UQCC1: variants seen among roughly 807,000 people sequenced by gnomAD.
UQCC1 encodes bFGF-repressed Zic-binding protein.
In UQCC1, 38 loss-of-function variants were observed where a neutral mutation model predicts 48.0. That is an observed-to-expected ratio of 0.79 (90% CI 0.61 to 1.04). The LOEUF is 1.04. Among genes scored for constraint, UQCC1 ranks in the 50% least tolerant of loss-of-function variants. UQCC1 has a pLI of 0.00. For missense variants in UQCC1, 368 were observed against 381.8 expected, an observed-to-expected ratio of 0.96 and a Z score of 0.30; for synonymous variants, 111 against 129.2, an observed-to-expected ratio of 0.86 and a Z score of 0.95.
chr20:35,362,262 G>A lies in UQCC1; in HGVS notation c.464+4295C>T, dbSNP rs186255189. Among the ~76,000 whole-genome samples, 4 of 152,350 alleles carry A rather than the reference G, an allele frequency of 2.6e-5. No homozygotes were observed. The East Asian group carries it at 7.7e-4, about 29-fold the overall frequency. On this transcript the variant is annotated intron_variant, in intron 6 of 9. Transcript: ENST00000374385. ...GCTTTTTCTTGCAGAGAAGGGAGTA[G>A]TGATGGTAATAGTGCCTAAAATAGC...
intron 5 of UQCC1, among the ~76,000 whole-genome samples, chr20:35,372,734 T>C (rs2061748880): frequency 6.6e-6 from 1 of 152,098 alleles, no homozygotes; most frequent in South Asian, 2.1e-4. Context: ...CTGGGCATGG[T>C]GGCGTGCACC....
In UQCC1 at chr20:35,395,507, T is replaced by TA. The variant is rs150565693; in HGVS notation, c.25-1312dup. On this transcript the variant is annotated intron_variant, in intron 1 of 9. Transcript: ENST00000374385. ...ATGGTTGAAAGGGGCTTATTATAAA[T>TA]AAATAAAAAAAAAACCATTCCTCTC... Among the ~76,000 whole-genome samples the TA allele has an allele frequency of 9.3e-3, 1,324 of 142,824 alleles. 15 individuals are homozygous for TA. Among genetic ancestry groups the TA allele is most frequent in the East Asian group, 0.028 (137 of 4,878 alleles). The allele number at this position is 142,824 out of a possible 152,430, so 93.7% of individuals were successfully genotyped here.
At chr20:35,350,199 C>T (rs1005165987) in intron 6 of UQCC1, among the ~76,000 whole-genome samples, 1 of 152,106 alleles carries the variant, frequency 6.6e-6, no homozygotes, top group African/African-American at 2.4e-5. Context: ...ACAATCATAG[C>T]CCACTGTAAC....
intron 4 of UQCC1, among the ~76,000 whole-genome samples, chr20:35,379,186 T>C (rs1366158111): frequency 6.6e-6 from 1 of 152,176 alleles, no homozygotes; most frequent in Non-Finnish European, 1.5e-5. Context: ...GATACTCAAA[T>C]AGGTAAGGGA....
At chr20:35,400,050 C>T (rs974480861) in intron 1 of UQCC1, among the ~76,000 whole-genome samples, 23 of 151,386 alleles carry the variant, frequency 1.5e-4, no homozygotes, top group Non-Finnish European at 2.8e-4. Context: ...CTCAGCCTGC[C>T]GAGTAGCTGG....
At chr20:35,333,225 T>C (rs2061277227) in intron 7 of UQCC1, among the ~76,000 whole-genome samples, 3 of 152,168 alleles carry the variant, frequency 2.0e-5, no homozygotes, top group South Asian at 4.1e-4. Context: ...TTCTCCTCAG[T>C]TGTAATATGG....
At chr20:35,315,037 C>T in intron 7 of UQCC1, 1 of 246,108 alleles carries the variant, frequency 4.1e-6, no homozygotes, top group Non-Finnish European at 8.1e-6. Flanking sequence ...TCCTATGAAC[C>T]AAGTATAAGA....
intron 5 of UQCC1, among the ~76,000 whole-genome samples, 159 bp from the exon 6 acceptor site, chr20:35,366,773 C>T (rs184992500): frequency 1.5e-3 from 223 of 152,122 alleles, no homozygotes; most frequent in Middle Eastern, 6.8e-3. Context: ...GATAAAAGAA[C>T]TTTGAATCAT....
At chr20:35,362,405 C>T (rs760654174) in intron 6 of UQCC1, among the ~76,000 whole-genome samples, 24 of 152,070 alleles carry the variant, frequency 1.6e-4, no homozygotes, top group Middle Eastern at 3.2e-3. Context: ...TCGTCTAGGC[C>T]GGAGTGCGTG....
chr20:35,317,198 A>G (rs2061071069), intron 7 of UQCC1, among the ~76,000 whole-genome samples: 1 of 152,016 alleles, frequency 6.6e-6, no homozygotes, highest in South Asian at 2.1e-4. Context: ...TCGACCTCCT[A>G]AAGTGCTGGG....
chr20:35,343,175 G>C lies in UQCC1; in HGVS notation c.573+3989C>G, dbSNP rs1455065350. On this transcript the variant is annotated intron_variant, in intron 7 of 9. Transcript: ENST00000374385. The stretch of plus-strand genomic sequence containing the variant: ...TCTACATTTTATATGTTTTCTTACA[G>C]AGGTACACCTGGGATGCCAAATAAC... Among the ~76,000 whole-genome samples, 3 of 152,080 alleles carry C rather than the reference G, an allele frequency of 2.0e-5. No individual in the cohort carries two copies. In the East Asian group the frequency reaches 5.8e-4, roughly 29 times the overall value.
chr20:35,353,468 T>C (rs1049223457), intron 6 of UQCC1, among the ~76,000 whole-genome samples: 1 of 151,598 alleles, frequency 6.6e-6, no homozygotes, highest in Admixed American at 6.6e-5. Context: ...TTTAATTTAT[T>C]ATTGAAGAAA....
intron 5 of UQCC1, among the ~76,000 whole-genome samples, chr20:35,373,765 A>G (rs539619799): frequency 2.6e-5 from 4 of 152,246 alleles, no homozygotes; most frequent in African/African-American, 9.6e-5. Flanking sequence ...TTATGTAAAA[A>G]GATGCATGTG....
intron 7 of UQCC1, among the ~76,000 whole-genome samples, chr20:35,335,022 T>C (rs76693812): frequency 6.6e-6 from 1 of 152,310 alleles, no homozygotes; most frequent in East Asian, 1.9e-4. Flanking sequence ...TGTCTAAAAT[T>C]GTCGGTAAAA....
At chr20:35,337,803 A>G (rs563081415) in intron 7 of UQCC1, among the ~76,000 whole-genome samples, 2 of 152,328 alleles carry the variant, frequency 1.3e-5, no homozygotes, top group South Asian at 4.1e-4. Context: ...GGAAACAGGA[A>G]GAGACTGTCC....
chr20:35,368,559 A>G (rs1222417845), intron 5 of UQCC1, among the ~76,000 whole-genome samples: 1 of 152,166 alleles, frequency 6.6e-6, no homozygotes, highest in Non-Finnish European at 1.5e-5. Flanking sequence ...CTAAGGGCCC[A>G]TCTGCATACC....
At chr20:35,375,947 T>TC (rs2061793155) in intron 4 of UQCC1, among the ~76,000 whole-genome samples, 3 of 64,726 alleles carry the variant, frequency 4.6e-5, no homozygotes, top group Non-Finnish European at 7.8e-5. Flanking sequence ...GGACCTTGCC[T>TC]AAAAAAAAAA....
intron 6 of UQCC1, among the ~76,000 whole-genome samples, chr20:35,355,123 G>A (rs918156206): frequency 1.3e-5 from 2 of 152,102 alleles, no homozygotes; most frequent in African/African-American, 4.8e-5. Context: ...CACCTAGACA[G>A]GGACAGAACA....
At chr20:35,307,582 C>T (rs2060943299) in intron 8 of UQCC1, among the ~76,000 whole-genome samples, 1 of 152,022 alleles carries the variant, frequency 6.6e-6, no homozygotes, top group Admixed American at 6.6e-5. Flanking sequence ...TGGAACAGGC[C>T]CTGAGAAGTT....
Sources: gnomAD v4.1 joint callset for allele counts (sites outside exome capture counted in the v4.1 genomes callset) on GRCh38, gnomAD v4.1.1 for gene constraint, MANE v1.5 for transcripts, NCBI Gene and HGNC (gene_info 2026-07-23, HGNC 2026-07-21) for gene names.